Variants in SH3GL3 observed in about 807,000 individuals in gnomAD.
SH3GL3 encodes the protein endophilin-A3.
Under a neutral mutation model 47.7 loss-of-function variants are expected in SH3GL3, and 33 were observed. The observed-to-expected ratio is 0.69, with a 90% CI of 0.52 to 0.92. SH3GL3 has a LOEUF of 0.92. Among genes scored for constraint, SH3GL3 ranks in the 40% least tolerant of loss-of-function variants. The pLI is 0.00. For synonymous variants in SH3GL3, 155 were observed against 148.8 expected (o/e 1.04, Z -0.30); for missense variants, 363 against 417.8 (o/e 0.87, Z 1.14).
chr15:83,509,482 G>A (rs1020108953), intron 1 of SH3GL3, among the ~76,000 whole-genome samples: 2 of 152,082 alleles, frequency 1.3e-5, no homozygotes, highest in Non-Finnish European at 2.9e-5. Flanking sequence ...AGAACTTCTC[G>A]GTAATTTATT....
At chr15:83,569,298 C>A (rs1262653206) in intron 4 of SH3GL3, among the ~76,000 whole-genome samples, 1 of 152,148 alleles carries the variant, frequency 6.6e-6, no homozygotes, top group Non-Finnish European at 1.5e-5. Flanking sequence ...GTAACACTGA[C>A]TATATAATGA....
At chr15:83,580,163 C>A (rs2059794156) in intron 6 of SH3GL3, among the ~76,000 whole-genome samples, 1 of 152,190 alleles carries the variant, frequency 6.6e-6, no homozygotes, top group East Asian at 1.9e-4. Context: ...GCACGTCCAA[C>A]CTTGGTCACT....
At chr15:83,567,408 C>G (rs186961411) in intron 3 of SH3GL3, among the ~76,000 whole-genome samples, 50 of 152,294 alleles carry the variant, frequency 3.3e-4, no homozygotes, top group African/African-American at 1.2e-3. Context: ...AGGGCAAAGC[C>G]TGTCTCTGGA....
intron 1 of SH3GL3, among the ~76,000 whole-genome samples, chr15:83,552,531 C>CT (rs2151726385): frequency 1.3e-5 from 2 of 152,196 alleles, no homozygotes; most frequent in African/African-American, 4.8e-5. Flanking sequence ...TATTGATTGA[C>CT]TTTGTTACGT....
chr15:83,550,400 AT>A (rs901872384), intron 1 of SH3GL3, among the ~76,000 whole-genome samples: 7 of 151,624 alleles, frequency 4.6e-5, no homozygotes, highest in Non-Finnish European at 1.0e-4. Context: ...TATTTTATTT[AT>A]TTTTTTTGAG....
intron 1 of SH3GL3, among the ~76,000 whole-genome samples, chr15:83,525,561 C>T (rs547692095): frequency 2.6e-5 from 4 of 152,108 alleles, no homozygotes; most frequent in African/African-American, 9.6e-5. Context: ...TTTTCTTACC[C>T]ATGCTTCTGA....
chr15:83,600,801 A>G (rs923615932), intron 8 of SH3GL3, among the ~76,000 whole-genome samples: 1 of 152,298 alleles, frequency 6.6e-6, no homozygotes, highest in Admixed American at 6.5e-5. Flanking sequence ...TTATCTTCAC[A>G]ATATTGATTC....
At chr15:83,492,253 C>G (rs1042123396) in intron 1 of SH3GL3, among the ~76,000 whole-genome samples, 1 of 130,762 alleles carries the variant, frequency 7.6e-6, no homozygotes, top group African/African-American at 3.0e-5. Context: ...TGTACTGCAG[C>G]CTGGTGACAG....
chr15:83,491,023 A>C, intron 1 of SH3GL3: 2 of 1,516,454 alleles, frequency 1.3e-6, no homozygotes, highest in Non-Finnish European at 1.8e-6. Flanking sequence ...GAAAAGTGGG[A>C]AGCCTTGTAT....
intron 6 of SH3GL3, among the ~76,000 whole-genome samples, chr15:83,585,983 C>T (rs898240142): frequency 6.6e-6 from 1 of 152,174 alleles, no homozygotes; most frequent in Non-Finnish European, 1.5e-5. Flanking sequence ...ATAAATGAAT[C>T]AGCAGGCAGA....
chr15:83,595,397 C>G (rs1037029396), intron 8 of SH3GL3, among the ~76,000 whole-genome samples: 29 of 152,140 alleles, frequency 1.9e-4, no homozygotes, highest in African/African-American at 6.0e-4. Flanking sequence ...ACTACCTACC[C>G]TGTACTATGC....
In SH3GL3 at chr15:83,568,516, C is replaced by T. The variant is rs370527433; in HGVS notation, c.188-13C>T. 21 of 1,607,508 alleles carry T rather than the reference C, an allele frequency of 1.3e-5. No individual in the cohort carries two copies. In the African/African-American group the frequency reaches 2.5e-4, roughly 19 times the overall value. Reference sequence around the variant, plus strand: ...TGTAACTTTAAAGAATTACAAATGACAATGTTTTTAAGCATACAGAGCTAA... The same window carrying T: ...TGTAACTTTAAAGAATTACAAATGATAATGTTTTTAAGCATACAGAGCTAA... On this transcript the variant is annotated splice_polypyrimidine_tract_variant and intron_variant, in intron 3 of 8. Coordinates refer to ENST00000427482, the MANE Select transcript of SH3GL3 (RefSeq NM_003027.5).
intron 4 of SH3GL3, among the ~76,000 whole-genome samples, chr15:83,569,198 G>T (rs983202116): frequency 1.3e-5 from 2 of 152,136 alleles, no homozygotes; most frequent in Non-Finnish European, 2.9e-5. Flanking sequence ...CACTTGGCTT[G>T]TTGTGTATCT....
intron 1 of SH3GL3, among the ~76,000 whole-genome samples, chr15:83,456,314 C>T (rs1391614296): frequency 6.2e-4 from 15 of 24,136 alleles, no homozygotes; most frequent in African/African-American, 2.3e-3. Flanking sequence ...AGGCAGGCCT[C>T]CTTGAGCTGT....
intron 1 of SH3GL3, among the ~76,000 whole-genome samples, chr15:83,521,507 C>G (rs1306141414): frequency 6.6e-6 from 1 of 152,142 alleles, no homozygotes. Context: ...AGCGCTCCTG[C>G]TTTACCCGCT....
Position 83,576,578 on chromosome 15 carries a change from T to G in SH3GL3, c.466-5T>G, listed in dbSNP as rs2059686025. The G allele has an allele frequency of 3.1e-6, 5 of 1,597,732 alleles. No homozygotes were observed. The highest frequency in any genetic ancestry group is 4.3e-6 in the Non-Finnish European group (5 of 1,175,302). On this transcript the variant is annotated splice_region_variant and splice_polypyrimidine_tract_variant and intron_variant, in intron 5 of 8. Transcript: ENST00000427482. ...TCTCTGAGGGACTCCATTCTCTTTT[T>G]TTAGCATCACCTGAAAAAGCTGGAA...
At chr15:83,490,772 C>T in intron 1 of SH3GL3, 2 of 1,610,016 alleles carry the variant, frequency 1.2e-6, no homozygotes, top group Non-Finnish European at 8.5e-7. Context: ...GTGAATAAGA[C>T]CATTTTCCCA....
chr15:83,589,540 C>A (rs1464857756), intron 8 of SH3GL3, among the ~76,000 whole-genome samples: 3 of 151,984 alleles, frequency 2.0e-5, no homozygotes, highest in African/African-American at 7.3e-5. Flanking sequence ...CCCTGCCAGG[C>A]AAATTTTTTT....
intron 1 of SH3GL3, among the ~76,000 whole-genome samples, chr15:83,484,240 G>T (rs932240181): frequency 6.6e-6 from 1 of 152,030 alleles, no homozygotes; most frequent in Non-Finnish European, 1.5e-5. Flanking sequence ...TACTTTAAAG[G>T]GTTTTTAAGA....
Sources: allele counts gnomAD v4.1 joint callset (sites outside exome capture counted in the v4.1 genomes callset), GRCh38; gene constraint gnomAD v4.1.1; transcripts MANE v1.5; gene names NCBI Gene and HGNC (gene_info 2026-07-23, HGNC 2026-07-21).